The following NT5DC3 variants were observed in gnomAD, a reference collection of about 807,000 sequenced individuals.
NT5DC3 encodes 5'-nucleotidase domain containing 3.
In NT5DC3, 42 loss-of-function variants were observed where a neutral mutation model predicts 67.8. The observed-to-expected ratio is 0.62, with a 90% CI of 0.48 to 0.80. The LOEUF (loss-of-function observed/expected upper bound fraction) is 0.80. Among genes scored for constraint, NT5DC3 ranks in the 30% least tolerant of loss-of-function variants. The pLI, the probability that NT5DC3 is intolerant of heterozygous loss-of-function variation, is 0.00. For missense variants in NT5DC3, 570 were observed against 696.4 expected, an observed-to-expected ratio of 0.82 and a Z score of 2.04; for synonymous variants, 237 against 255.6, an observed-to-expected ratio of 0.93 and a Z score of 0.69.
chr12:103,790,927 G>A (rs916708128), intron 9 of NT5DC3, among the ~76,000 whole-genome samples: 4 of 146,482 alleles, frequency 2.7e-5, no homozygotes, highest in African/African-American at 1.0e-4. Flanking sequence ...CTGACCTTGT[G>A]ATCCGCCCGC....
downstream of NT5DC3, chr12:103,770,439 CT>C (rs10714106): frequency 0.79 from 115,805 of 146,568 alleles, 45,873 homozygotes; most frequent in South Asian, 0.94. Context: ...AAATAATTGA[CT>C]TTTTTTTTTT....
chr12:103,794,441 C>T (rs751052241), intron 6 of NT5DC3, among the ~76,000 whole-genome samples: 17 of 152,216 alleles, frequency 1.1e-4, no homozygotes, highest in Non-Finnish European at 2.1e-4. Context: ...TGAGCCACCA[C>T]ACCCAGCCAA....
downstream of NT5DC3, among the ~76,000 whole-genome samples, chr12:103,767,810 T>TGGTG (rs1566091488): frequency 6.6e-6 from 1 of 151,886 alleles, no homozygotes; most frequent in African/African-American, 2.4e-5. Flanking sequence ...AGGTCGGGCA[T>TGGTG]GGTGGCTCAT....
intron 4 of NT5DC3, among the ~76,000 whole-genome samples, chr12:103,799,804 C>CAAAAAAAA (rs72379630): frequency 1.5e-5 from 2 of 131,494 alleles, no homozygotes; most frequent in Admixed American, 7.5e-5. Context: ...CTCCACATAC[C>CAAAAAAAA]AAAAAAAAAA....
chr12:103,774,664 A>G lies in NT5DC3; in HGVS notation c.*3165T>C, dbSNP rs1213362684. ...GTGCCATTGCACTCCGGCCTGGGCAAAAAGAGCAAAACTAAATCTCAAAAA... is the reference window on the plus strand; with the variant it reads ...GTGCCATTGCACTCCGGCCTGGGCAGAAAGAGCAAAACTAAATCTCAAAAA... On this transcript the variant is annotated 3_prime_UTR_variant, in exon 14 of 14. Coordinates refer to ENST00000392876, the MANE Select transcript of NT5DC3 (RefSeq NM_001031701.3). The G allele has an allele frequency of 6.6e-6, 1 of 151,434 alleles. No homozygotes were observed. Among genetic ancestry groups the G allele is most frequent in the South Asian group, 2.1e-4 (1 of 4,762 alleles). 9.4% of individuals were successfully genotyped at this position (151,434 alleles called of 1,614,324 possible).
chr12:103,755,168 C>A, the NT5DC3 span: 1 of 1,236,700 alleles, frequency 8.1e-7, no homozygotes, highest in Non-Finnish European at 1.1e-6. Flanking sequence ...TACTGTGTGC[C>A]AGGCACAGAG....
In NT5DC3 at chr12:103,782,685, C is replaced by T. The variant is rs185706998; in HGVS notation, c.1330-2321G>A. ...CATGAACCACAGCCATTTTGGAATG[C>T]ACTTCAAGGCTAACTAATGAAATTA... On this transcript the variant is annotated intron_variant, in intron 12 of 13. Coordinates refer to ENST00000392876, the MANE Select transcript of NT5DC3 (RefSeq NM_001031701.3). Among the ~76,000 whole-genome samples, 6 of 152,320 alleles carry T rather than the reference C, an allele frequency of 3.9e-5. No individual in the cohort carries two copies. In the East Asian group the frequency reaches 7.7e-4, roughly 20 times the overall value.
At chr12:103,778,314 T>G (rs908051893) in intron 13 of NT5DC3, among the ~76,000 whole-genome samples, 11 of 152,068 alleles carry the variant, frequency 7.2e-5, no homozygotes, top group Non-Finnish European at 2.9e-5. Context: ...GCAGATCACT[T>G]GAGGCCAGGA....
At chr12:103,832,008 C>T (rs1887953312) in intron 1 of NT5DC3, among the ~76,000 whole-genome samples, 1 of 151,810 alleles carries the variant, frequency 6.6e-6, no homozygotes, top group Admixed American at 6.6e-5. Context: ...AACTCCTGGC[C>T]CCAAGTGATC....
chr12:103,760,693 G>T, the NT5DC3 span, among the ~76,000 whole-genome samples: 1 of 152,188 alleles, frequency 6.6e-6, no homozygotes, highest in Non-Finnish European at 1.5e-5. Flanking sequence ...CAGGTTCTGA[G>T]ACATGCAGAG....
rs762200303 is a variant in NT5DC3 at position 103,774,684 on chromosome 12, CAAAAAAAAAA to C, written c.*3135_*3144del. The C allele has an allele frequency of 1.9e-5, 1 of 51,340 alleles. No individual in the cohort carries two copies. The highest frequency in any genetic ancestry group is 4.0e-5 in the Non-Finnish European group (1 of 25,132). 3.2% of individuals were successfully genotyped at this position (51,340 alleles called of 1,614,324 possible). On this transcript the variant is annotated 3_prime_UTR_variant, in exon 14 of 14. Transcript: ENST00000392876. ...GGGCAAAAAGAGCAAAACTAAATCT[CAAAAAAAAAA>C]AAAAAAAAAAAGAGAAAAGAGTCAT...
At chr12:103,838,636 A>C (rs182220734) in intron 1 of NT5DC3, among the ~76,000 whole-genome samples, 3 of 152,356 alleles carry the variant, frequency 2.0e-5, no homozygotes, top group African/African-American at 7.2e-5. Context: ...AAATGTCTAC[A>C]ACATCTTTAT....
downstream of NT5DC3, chr12:103,766,371 GC>G (rs1270466562): frequency 3.2e-6 from 5 of 1,580,400 alleles, no homozygotes; most frequent in Admixed American, 3.5e-5. Flanking sequence ...ATCACTCACT[GC>G]CACCTGGGCC....
chr12:103,763,446 C>T, the NT5DC3 span: 300 of 1,583,536 alleles, frequency 1.9e-4, 1 homozygote, highest in African/African-American at 3.5e-3. Context: ...TGAGACGCTC[C>T]TGCTTTGGGG....
chr12:103,762,261 T>TC, the NT5DC3 span: 2 of 1,612,984 alleles, frequency 1.2e-6, no homozygotes, highest in Non-Finnish European at 1.7e-6. Context: ...CCCTTTCCTT[T>TC]CTTTGTGTTC....
At chr12:103,806,964 A>G (rs771460148) in intron 2 of NT5DC3, 35 bp from the exon 3 acceptor site, 2 of 1,272,328 alleles carry the variant, frequency 1.6e-6, no homozygotes, top group Non-Finnish European at 2.3e-6. Context: ...TTTAGCCAAC[A>G]ATGTGCCAAG....
chr12:103,830,064 G>A (rs1003459898), intron 1 of NT5DC3, among the ~76,000 whole-genome samples: 3 of 152,054 alleles, frequency 2.0e-5, no homozygotes, highest in South Asian at 2.1e-4. Context: ...ATCAATAATC[G>A]TGGTTGACAT....
At chr12:103,765,672 T>A (rs1884893481), downstream of NT5DC3, among the ~76,000 whole-genome samples, 1 of 152,142 alleles carries the variant, frequency 6.6e-6, no homozygotes, top group Non-Finnish European at 1.5e-5. Context: ...CACCTCAGCC[T>A]CCCGAGTAGC....
rs780620219 is a variant in NT5DC3, at chr12:103,793,470, G to A, written c.857C>T (p.Ala286Val). ...CTTCTTGCCATGATCAGCCAGTTTG[G>A]CCAACACTGCGCGGGTCTGCTCAGC... ...CYAEQTRAVL[A>V]KLADHGKKMF... Residue 286 changes from alanine to valine, a missense_variant, in exon 8 of 14, where the codon GCC becomes GTC. By Grantham distance (64) the Ala-to-Val change is moderately conservative. Around this residue, in one of 2 missense-constraint regions of NT5DC3, gnomAD observed 466 missense variants for 608.0 expected, o/e 0.77. Coordinates refer to ENST00000392876, the MANE Select transcript of NT5DC3 (RefSeq NM_001031701.3). 3.7e-6 allele frequency: 6 copies of A among 1,613,988 alleles called. No homozygotes were observed. The African/African-American group carries it at 8.0e-5, about 22-fold the overall frequency.
Sources: gnomAD v4.1 joint callset for allele counts (sites outside exome capture counted in the v4.1 genomes callset) on GRCh38, gnomAD v4.1.1 for gene constraint, gnomAD v4.1.1 regional missense constraint, MANE v1.5 for transcripts, NCBI Gene and HGNC (gene_info 2026-07-23, HGNC 2026-07-21) for gene names.